PRKD1: variants seen among roughly 807,000 people sequenced by gnomAD.
The protein encoded by PRKD1 is serine/threonine-protein kinase D1.
PRKD1 carries 63 observed loss-of-function variants against 95.9 expected under a neutral mutation model. The ratio of observed to expected loss-of-function variants is 0.66; its 90% CI spans 0.54 to 0.81. The LOEUF is 0.81. Ranked by LOEUF, PRKD1 falls within the 30% of genes least tolerant of loss-of-function variation. The probability of loss-of-function intolerance (pLI) is 0.00; values close to 1 mark genes in which losing one functional copy is unlikely to be tolerated. For missense variants in PRKD1, 1,048 were observed against 1,165.3 expected (o/e 0.90, Z 1.47); for synonymous variants, 425 against 423.1 (o/e 1.00, Z -0.05).
At chr14:29,814,358 C>T (rs1213918557) in intron 1 of PRKD1, among the ~76,000 whole-genome samples, 1 of 152,204 alleles carries the variant, frequency 6.6e-6, no homozygotes, top group African/African-American at 2.4e-5. Flanking sequence ...AGCCTGGAGT[C>T]TAACAAAAAG....
chr14:29,760,952 C>G (rs1887950731), intron 1 of PRKD1, among the ~76,000 whole-genome samples: 1 of 151,730 alleles, frequency 6.6e-6, no homozygotes, highest in Admixed American at 6.6e-5. Context: ...TTATTTTTTT[C>G]TTTTTTTAGA....
chr14:29,745,322 A>G (rs1887164110), intron 1 of PRKD1, among the ~76,000 whole-genome samples: 1 of 152,160 alleles, frequency 6.6e-6, no homozygotes, highest in African/African-American at 2.4e-5. Flanking sequence ...GACTTTTTCC[A>G]TCCTAGTCAC....
At chr14:29,895,682 CT>C (rs1280175743) in intron 1 of PRKD1, among the ~76,000 whole-genome samples, 3 of 152,194 alleles carry the variant, frequency 2.0e-5, no homozygotes, top group East Asian at 3.9e-4. Flanking sequence ...GGCAGCCTCG[CT>C]GCTGTCCTGC....
intron 4 of PRKD1, among the ~76,000 whole-genome samples, chr14:29,658,178 T>A (rs2139196782): frequency 6.6e-6 from 1 of 152,304 alleles, no homozygotes; most frequent in African/African-American, 2.4e-5. Flanking sequence ...GCCCTGAATC[T>A]CTTTTTTCTG....
At chr14:29,896,720 TAA>T (rs34261706) in intron 1 of PRKD1, among the ~76,000 whole-genome samples, 33,957 of 133,904 alleles carry the variant, frequency 0.25, 3,954 homozygotes, top group Admixed American at 0.29. Flanking sequence ...ATTAAACAGT[TAA>T]AAAAAAAAAA....
intron 4 of PRKD1, among the ~76,000 whole-genome samples, chr14:29,656,821 C>A (rs1881875428): frequency 6.6e-6 from 1 of 152,098 alleles, no homozygotes; most frequent in Non-Finnish European, 1.5e-5. Context: ...GTTCTTTCAC[C>A]TCATTGAAAA....
chr14:29,652,367 C>T (rs1351285813), intron 4 of PRKD1, among the ~76,000 whole-genome samples: 1 of 152,154 alleles, frequency 6.6e-6, no homozygotes, highest in Non-Finnish European at 1.5e-5. Flanking sequence ...TCATGAAGAA[C>T]TCTCCAGTAG....
intron 2 of PRKD1, among the ~76,000 whole-genome samples, chr14:29,689,297 T>C (rs1342940108): frequency 2.7e-5 from 4 of 150,352 alleles, no homozygotes; most frequent in Non-Finnish European, 5.9e-5. Flanking sequence ...AGTGGGAAAA[T>C]GACATGAACA....
chr14:29,625,565 A>C (rs1327829329), intron 12 of PRKD1, among the ~76,000 whole-genome samples: 1 of 152,100 alleles, frequency 6.6e-6, no homozygotes, highest in Non-Finnish European at 1.5e-5. Context: ...TGCAACTATT[A>C]TACTGTAGAG....
chr14:29,580,369 G>A (rs1892714773), intron 16 of PRKD1, among the ~76,000 whole-genome samples: 1 of 152,130 alleles, frequency 6.6e-6, no homozygotes, highest in South Asian at 2.1e-4. Flanking sequence ...AGTGACCTGA[G>A]TAAGCACAAC....
Position 29,625,501 on chromosome 14 carries a change from C to T in PRKD1, c.1798+983G>A, listed in dbSNP as rs111257194. Among the ~76,000 whole-genome samples, 49 of 152,190 alleles carry T rather than the reference C, an allele frequency of 3.2e-4. 1 individual carries two copies. Among genetic ancestry groups the T allele is most frequent in the African/African-American group, 1.1e-3 (45 of 41,536 alleles). On this transcript the variant is annotated intron_variant, in intron 12 of 17. Coordinates refer to ENST00000331968, the MANE Select transcript of PRKD1 (RefSeq NM_002742.3). ...TTGTCACCCTTGTCTCACCCCTATA[C>T]GATGTGCATTATGTATATTTACCAT...
At chr14:29,639,059 C>T (rs1246233643) in intron 4 of PRKD1, among the ~76,000 whole-genome samples, 155 bp from the exon 5 acceptor site, 1 of 151,716 alleles carries the variant, frequency 6.6e-6, no homozygotes, top group Admixed American at 6.6e-5. Flanking sequence ...ATATAATTTA[C>T]TTGCCTTCCC....
rs921307129 is a variant in PRKD1, at chr14:29,826,126, C to A, written c.265-100452G>T. ...GCGTGGTATGTGTGTGTGTGTCTCTCTCTATATATATATATGGATGTACAT... is the reference window on the plus strand; with the variant it reads ...GCGTGGTATGTGTGTGTGTGTCTCTATCTATATATATATATGGATGTACAT... On this transcript the variant is annotated intron_variant, in intron 1 of 17. Transcript: ENST00000331968. Among the ~76,000 whole-genome samples, 9 of 149,176 alleles carry A rather than the reference C, an allele frequency of 6.0e-5. 1 individual carries two copies. The highest frequency in any genetic ancestry group is 1.2e-4 in the Non-Finnish European group (8 of 67,478).
At position 29,584,046 on chromosome 14, in the gene PRKD1, G is replaced by A. The variant is rs1412411679; in HGVS notation, c.2435-5686C>T. Reference sequence around the variant, plus strand: ...GCTATTAGGATAGCCGAAGTTCTGTGCAGCCTATTTGCTAGGTGCACAAGG... The same window carrying A: ...GCTATTAGGATAGCCGAAGTTCTGTACAGCCTATTTGCTAGGTGCACAAGG... On this transcript the variant is annotated intron_variant, in intron 16 of 17. Transcript: ENST00000331968. Among the ~76,000 whole-genome samples the A allele has an allele frequency of 3.9e-5, 6 of 152,236 alleles. No individual in the cohort carries two copies. The East Asian group carries it at 7.7e-4, about 20-fold the overall frequency.
intron 17 of PRKD1, 48 bp from the exon 18 acceptor site, chr14:29,577,504 A>G: frequency 6.5e-7 from 1 of 1,537,940 alleles, no homozygotes. Flanking sequence ...TTACAACTCA[A>G]CATACTGTTT....
chr14:29,755,702 C>T (rs982238423), intron 1 of PRKD1, among the ~76,000 whole-genome samples: 4 of 152,148 alleles, frequency 2.6e-5, no homozygotes, highest in African/African-American at 9.7e-5. Context: ...AAAAGTTTGC[C>T]CTTTTTCTGA....
chr14:29,729,053 T>C (rs1886309378), intron 1 of PRKD1, among the ~76,000 whole-genome samples: 1 of 152,174 alleles, frequency 6.6e-6, no homozygotes, highest in Non-Finnish European at 1.5e-5. Context: ...CTATCATGTA[T>C]TTCTTTATAG....
chr14:29,800,431 G>A (rs1426395554), intron 1 of PRKD1, among the ~76,000 whole-genome samples: 3 of 152,124 alleles, frequency 2.0e-5, no homozygotes, highest in Admixed American at 6.5e-5. Context: ...GGTTTTATTG[G>A]TGGGTTAACT....
At chr14:29,748,477 C>G (rs890238795) in intron 1 of PRKD1, among the ~76,000 whole-genome samples, 2 of 152,208 alleles carry the variant, frequency 1.3e-5, no homozygotes, top group African/African-American at 4.8e-5. Context: ...TAATCCGTAT[C>G]ACCACTGAAG....
Sources: allele counts gnomAD v4.1 joint callset (sites outside exome capture counted in the v4.1 genomes callset), GRCh38; gene constraint gnomAD v4.1.1; transcripts MANE v1.5; gene names NCBI Gene and HGNC (gene_info 2026-07-23, HGNC 2026-07-21).